CRYBA2: variants seen among roughly 807,000 people sequenced by gnomAD.
The protein encoded by CRYBA2 is beta-crystallin A2.
Under a neutral mutation model 18.5 loss-of-function variants are expected in CRYBA2, and 17 were observed. That is an observed-to-expected ratio of 0.92 (90% CI 0.63 to 1.38). The LOEUF is 1.38. Ranked by LOEUF, CRYBA2 falls within the 40% of genes most tolerant of loss-of-function variation. The pLI is 0.00. For synonymous variants in CRYBA2, 101 were observed against 106.2 expected, an observed-to-expected ratio of 0.95 and a Z score of 0.30; for missense variants, 271 against 265.0, an observed-to-expected ratio of 1.02 and a Z score of -0.16.
In CRYBA2 at chr2:218,993,208, G is replaced by A; in HGVS notation, c.-32C>T. On this transcript the variant is annotated 5_prime_UTR_variant, in exon 1 of 4. Coordinates refer to ENST00000295728, the MANE Select transcript of CRYBA2 (RefSeq NM_057093.2). This position sits in a 1 kb window ranked among gnomAD's most constrained non-coding sequence, Gnocchi z 7.7. ...GCGGACAGGAAGGGTGGCACCACGC[G>A]CTCAGCGTCTCAAGAGCCCCGTTTC... 1 of 1,550,036 alleles carries A rather than the reference G, an allele frequency of 6.5e-7. No homozygotes were observed. The highest frequency in any genetic ancestry group is 8.7e-7 in the Non-Finnish European group (1 of 1,149,952).
At position 218,993,403 on chromosome 2, in the gene CRYBA2, A is replaced by G; in HGVS notation, c.-227T>C. The G allele has an allele frequency of 5.6e-6, 3 of 537,612 alleles. No individual in the cohort carries two copies. Among genetic ancestry groups the G allele is most frequent in the Non-Finnish European group, 9.7e-6 (3 of 308,858 alleles). The allele number at this position is 537,612 out of a possible 1,614,324, so 33.3% of individuals were successfully genotyped here. On this transcript the variant is annotated 5_prime_UTR_variant, in exon 1 of 4. Coordinates refer to ENST00000295728, the MANE Select transcript of CRYBA2 (RefSeq NM_057093.2). This position sits in a 1 kb window ranked among gnomAD's most constrained non-coding sequence, Gnocchi z 7.7. ...GTGGGTGAGCGCGGCACGCGAGGGA[A>G]ATGGACCGGCTGCGAGGCTGCGCGC...
At position 218,990,289 on chromosome 2, in the gene CRYBA2, G is replaced by T; in HGVS notation, c.557C>A (p.Thr186Asn). The part of the protein sequence containing the change: ...TYGELGTQAH[T>N]GQLQSIRRVQ... ...TCTCCGGATGGACTGCAGCTGCCCAGTGTGGGCCTGTGTGCCGAGCTCACC... is the reference window on the plus strand; with the variant it reads ...TCTCCGGATGGACTGCAGCTGCCCATTGTGGGCCTGTGTGCCGAGCTCACC... Residue 186 changes from threonine (T) to asparagine (N), a missense_variant, in exon 4 of 4, where the codon ACT (threonine) becomes AAT (asparagine). By Grantham distance (65) the Thr-to-Asn change is moderately conservative (BLOSUM62 0). Transcript: ENST00000295728. The T allele has an allele frequency of 1.9e-6, 3 of 1,614,186 alleles. No individual in the cohort carries two copies. Among genetic ancestry groups the T allele is most frequent in the Non-Finnish European group, 2.5e-6 (3 of 1,180,024 alleles).
chr2:218,990,438 GC>G (rs778980754), intron 3 of CRYBA2, 39 bp from the exon 4 acceptor site: 2 of 1,606,832 alleles, frequency 1.2e-6, no homozygotes, highest in African/African-American at 1.3e-5. Context: ...AGTAAGCTCT[GC>G]CCCCACCCCC....
In CRYBA2 at chr2:218,993,182, T is replaced by TGCGGACAGGAAGGGTGGCACCACG. The variant is rs1945519910; in HGVS notation, c.-30_-7dup. 1 of 1,582,470 alleles carries TGCGGACAGGAAGGGTGGCACCACG rather than the reference T, an allele frequency of 6.3e-7. No homozygotes were observed. Among genetic ancestry groups the TGCGGACAGGAAGGGTGGCACCACG allele is most frequent in the Non-Finnish European group, 8.6e-7 (1 of 1,165,470 alleles). The stretch of plus-strand genomic sequence containing the variant: ...GGCGCGGGGGCGCTGCTCATGCCGC[T>TGCGGACAGGAAGGGTGGCACCACG]GCGGACAGGAAGGGTGGCACCACGC... On this transcript the variant is annotated 5_prime_UTR_variant, in exon 1 of 4. Coordinates refer to ENST00000295728, the MANE Select transcript of CRYBA2 (RefSeq NM_057093.2). The surrounding 1 kb of genome is among the most constrained non-coding windows in gnomAD (Gnocchi z 7.7).
At chr2:218,992,270 AT>A in intron 1 of CRYBA2, 27 bp from the exon 2 acceptor site, 2 of 1,608,806 alleles carry the variant, frequency 1.2e-6, no homozygotes, top group East Asian at 4.5e-5. Context: ...GCTGGGAGGT[AT>A]CTGCCCCAGC....
intron 1 of CRYBA2, 146 bp downstream of exon 1, chr2:218,992,870 G>A (rs899939300): frequency 4.8e-5 from 29 of 602,960 alleles, no homozygotes; most frequent in African/African-American, 4.0e-4. Context: ...CTTGCGATGG[G>A]TGGGGAATTT....
In CRYBA2 at chr2:218,990,952, A is replaced by G; in HGVS notation, c.346T>C (p.Phe116Leu). 1 of 1,614,170 alleles carries G rather than the reference A, an allele frequency of 6.2e-7. No homozygotes were observed. Among genetic ancestry groups the G allele is most frequent in the Non-Finnish European group, 8.5e-7 (1 of 1,180,032 alleles). Residue 116 changes from phenylalanine (F) to leucine (L), a missense_variant, in exon 3 of 4, where the codon TTC becomes CTC. Phe to Leu is a conservative substitution (Grantham distance 22). Coordinates refer to ENST00000295728, the MANE Select transcript of CRYBA2 (RefSeq NM_057093.2). ...ACGAGGTCAAACTTGCAGCCTTGGA[A>G]GTTGTCCCCCTCAAACAGTGTCACA... The part of the protein sequence containing the change: ...SRVTLFEGDN[F>L]QGCKFDLVDD...
intron 2 of CRYBA2, chr2:218,991,270 G>A (rs1945494734): frequency 2.9e-6 from 1 of 344,738 alleles, no homozygotes; most frequent in Admixed American, 4.6e-5. Flanking sequence ...GGACTAGAGA[G>A]CATCTTGTGA....
At chr2:218,991,087 C>A (rs1407950329) in intron 2 of CRYBA2, 93 bp from the exon 3 acceptor site, 1 of 1,552,560 alleles carries the variant, frequency 6.4e-7, no homozygotes, top group Non-Finnish European at 8.7e-7. Flanking sequence ...CACTGCACCT[C>A]ACAAGCTGTG....
At chr2:218,990,785 A>C in intron 3 of CRYBA2, 67 bp downstream of exon 3, 1 of 1,567,844 alleles carries the variant, frequency 6.4e-7, no homozygotes, top group East Asian at 2.3e-5. Context: ...ACTTTTCTCC[A>C]CCCTCTTCCT....
rs951278788 is a variant in CRYBA2, at chr2:218,992,222, G to A, written c.183C>T (p.Pro61=). 6 of 1,613,506 alleles carry A rather than the reference G, an allele frequency of 3.7e-6. No individual in the cohort carries two copies. The highest frequency in any genetic ancestry group is 4.5e-5 in the East Asian group (2 of 44,860). The change falls in exon 2 of 4, where the codon CCC becomes CCT. Residue 61 remains proline, a synonymous_variant. Transcript: ENST00000295728. ...GAATGAACTGCTGTCCCTGGAAGTC[G>A]GGGTACTCAAAGGCCACCCAACTGG... The part of the protein sequence containing the change: ...ENGVWVAFEY[P]DFQGQQFILE...
intron 2 of CRYBA2, among the ~76,000 whole-genome samples, chr2:218,991,662 A>T (rs928347352): frequency 5.3e-5 from 8 of 152,170 alleles, no homozygotes; most frequent in African/African-American, 1.9e-4. Context: ...CAACACCCTC[A>T]CACACACAAT....
chr2:218,990,438 G>GCCCCCCCCCC, intron 3 of CRYBA2, 39 bp from the exon 4 acceptor site: 1 of 1,606,078 alleles, frequency 6.2e-7, no homozygotes, highest in Non-Finnish European at 8.5e-7. Flanking sequence ...AGTAAGCTCT[G>GCCCCCCCCCC]CCCCCACCCC....
chr2:218,990,866 T>G lies in CRYBA2; in HGVS notation c.432A>C (p.Lys144Asn). 2 of 1,613,892 alleles carry G rather than the reference T, an allele frequency of 1.2e-6. No homozygotes were observed. The highest frequency in any genetic ancestry group is 1.7e-6 in the Non-Finnish European group (2 of 1,179,830). Residue 144 changes from lysine to asparagine, a missense_variant, in exon 3 of 4, where the codon AAA (lysine) becomes AAC (asparagine). By Grantham distance (94) the Lys-to-Asn change is moderately conservative (BLOSUM62 0). Transcript: ENST00000295728. ...CCAGGACTCACGCTCCGGAGCTGACTTTGAGGGAACCCACATCCTTGCTGG... is the reference window on the plus strand; with the variant it reads ...CCAGGACTCACGCTCCGGAGCTGACGTTGAGGGAACCCACATCCTTGCTGG... ...GWASKDVGSL[K>N]VSSGAWVAYQ...
chr2:218,993,098 A>G lies in CRYBA2; in HGVS notation c.79T>C (p.Cys27Arg), dbSNP rs764394132. ...WDEEDFQGRR[C>R]RLLSDCANVC... is the part of the protein sequence containing the mutation. ...TTCGCACAGTCGCTTAGCAGCCGAC[A>G]GCGACGGCCCTGGAAGTCCTCCTCG... Residue 27 changes from cysteine to arginine, a missense_variant, in exon 1 of 4, where the codon TGT becomes CGT. Physicochemically the swap from Cys to Arg is radical, Grantham distance 180 (BLOSUM62 -3). Coordinates refer to ENST00000295728, the MANE Select transcript of CRYBA2 (RefSeq NM_057093.2). The surrounding 1 kb of genome is among the most constrained non-coding windows in gnomAD (Gnocchi z 7.7). The G allele has an allele frequency of 6.8e-6, 11 of 1,611,898 alleles. No individual in the cohort carries two copies. The highest frequency in any genetic ancestry group is 9.3e-6 in the Non-Finnish European group (11 of 1,179,452).
At chr2:218,990,471 G>T in intron 3 of CRYBA2, 72 bp from the exon 4 acceptor site, 1 of 1,524,552 alleles carries the variant, frequency 6.6e-7, no homozygotes, top group Non-Finnish European at 8.8e-7. Context: ...TCCACCAGCA[G>T]CCCCCCTTTT....
chr2:218,991,169 G>C, intron 2 of CRYBA2, 175 bp from the exon 3 acceptor site: 2 of 904,696 alleles, frequency 2.2e-6, no homozygotes, highest in South Asian at 4.3e-5. Context: ...GAAATGGATC[G>C]CTCAGAGGTT....
Position 218,992,215 on chromosome 2 carries a change from G to A in CRYBA2, c.190C>T (p.Gln64Ter). 2 of 1,613,608 alleles carry A rather than the reference G, an allele frequency of 1.2e-6. No individual in the cohort carries two copies. Among genetic ancestry groups the A allele is most frequent in the Non-Finnish European group, 8.5e-7 (1 of 1,179,970 alleles). Residue 64 changes from glutamine (Q) to a stop codon, truncating the protein, a stop_gained, in exon 2 of 4, where the codon CAG (glutamine) becomes TAG (stop). Coordinates refer to ENST00000295728, the MANE Select transcript of CRYBA2 (RefSeq NM_057093.2). LOFTEE classifies it high-confidence loss of function. ...TTCTCCAGAATGAACTGCTGTCCCT[G>A]GAAGTCGGGGTACTCAAAGGCCACC... ...VWVAFEYPDF[Q>*]GQQFILEKGD...
intron 3 of CRYBA2, among the ~76,000 whole-genome samples, 180 bp downstream of exon 3, chr2:218,990,672 T>G: frequency 6.7e-6 from 1 of 148,632 alleles, no homozygotes; most frequent in South Asian, 2.2e-4. Context: ...CTGCCCCCCA[T>G]TCTCCTAGGA....
Sources: gnomAD v4.1 joint callset for allele counts (sites outside exome capture counted in the v4.1 genomes callset) on GRCh38, gnomAD v4.1.1 for gene constraint, Gnocchi (gnomAD v3.1) non-coding constraint, MANE v1.5 for transcripts, NCBI Gene and HGNC (gene_info 2026-07-23, HGNC 2026-07-21) for gene names.